GRM2: variants seen among roughly 807,000 people sequenced by gnomAD.
The protein encoded by GRM2 is glutamate metabotropic receptor 2, also known as metabotropic glutamate receptor 2.
GRM2 carries 35 observed loss-of-function variants against 60.4 expected under a neutral mutation model. The observed-to-expected ratio is 0.58, with a 90% CI of 0.44 to 0.77. The LOEUF is 0.77. GRM2 is among the 30% of genes least tolerant of loss of function. The pLI is 0.00. For synonymous variants in GRM2, 437 were observed against 484.1 expected (o/e 0.90, Z 1.28); for missense variants, 925 against 1,199.5 (o/e 0.77, Z 3.38).
chr3:51,709,201 A>G lies in GRM2; in HGVS notation c.218A>G (p.Asn73Ser). ...ATGCTTTTTGCACTGGACCGCATCA[A>G]CCGTGACCCGCACCTGCTGCCTGGC... ...EAMLFALDRI[N>S]RDPHLLPGVR... The change falls in exon 2 of 6, where the codon AAC becomes AGC. Residue 73 changes from asparagine (N) to serine (S), a missense_variant. Transcript: ENST00000395052. 1 of 1,611,242 alleles carries G rather than the reference A, an allele frequency of 6.2e-7. No homozygotes were observed. Among genetic ancestry groups the G allele is most frequent in the Non-Finnish European group, 8.5e-7 (1 of 1,178,808 alleles).
Position 51,715,561 on chromosome 3 carries a change from A to C in GRM2, c.1788A>C (p.Pro596=), listed in dbSNP as rs1703864128. The C allele has an allele frequency of 6.2e-7, 1 of 1,613,956 alleles. No individual in the cohort carries two copies. The highest frequency in any genetic ancestry group is 8.5e-7 in the Non-Finnish European group (1 of 1,180,044). Residue 596 remains proline, a synonymous_variant, in exon 4 of 6, where the codon CCA becomes CCC. Transcript: ENST00000395052. The surrounding 1 kb of genome is among the most constrained non-coding windows in gnomAD (Gnocchi z 9.0). ...TCTTTGTGCGGCACAATGCCACACC[A>C]GTGGTCAAGGCCTCAGGTCGGGAGC... ...LGVFVRHNAT[P]VVKASGRELC... is the part of the protein sequence containing the mutation.
In GRM2 at chr3:51,712,326, C is replaced by T. The variant is rs1236036448; in HGVS notation, c.451-147C>T. The T allele has an allele frequency of 1.5e-6, 1 of 671,582 alleles. No individual in the cohort carries two copies. Among genetic ancestry groups the T allele is most frequent in the East Asian group, 2.5e-5 (1 of 40,358 alleles). The allele number at this position is 671,582 out of a possible 1,614,324, so 41.6% of individuals were successfully genotyped here. On this transcript the variant is annotated intron_variant, in intron 2 of 5. Coordinates refer to ENST00000395052, the MANE Select transcript of GRM2 (RefSeq NM_000839.5). The surrounding 1 kb of genome is among the most constrained non-coding windows in gnomAD (Gnocchi z 5.3). ...CTCCCTAGCCCAGAGGGAAGACTGTCAAGTCAGGATGCAGGGCTTTAGAGA... is the reference window on the plus strand; with the variant it reads ...CTCCCTAGCCCAGAGGGAAGACTGTTAAGTCAGGATGCAGGGCTTTAGAGA...
chr3:51,717,092 G>T lies in GRM2; in HGVS notation c.2365-545G>T, dbSNP rs1703925018. On this transcript the variant is annotated intron_variant, in intron 4 of 5. Coordinates refer to ENST00000395052, the MANE Select transcript of GRM2 (RefSeq NM_000839.5). This position sits in a 1 kb window ranked among gnomAD's most constrained non-coding sequence, Gnocchi z 6.0. ...ATCACAGGCAGCTAAGGACTCACCT[G>T]AGACACACACCGTACCCACACATGC... Among the ~76,000 whole-genome samples the T allele has an allele frequency of 6.8e-6, 1 of 147,352 alleles. No individual in the cohort carries two copies. The highest frequency in any genetic ancestry group is 1.5e-5 in the Non-Finnish European group (1 of 67,140).
In GRM2 at chr3:51,709,226, C is replaced by G; in HGVS notation, c.243C>G (p.Gly81=). The G allele has an allele frequency of 6.2e-7, 1 of 1,608,746 alleles. No homozygotes were observed. Among genetic ancestry groups the G allele is most frequent in the South Asian group, 1.1e-5 (1 of 91,022 alleles). ...ACCGTGACCCGCACCTGCTGCCTGG[C>G]GTGCGCCTGGGTGCACACATCCTCG... ...RINRDPHLLP[G]VRLGAHILDS... Residue 81 remains glycine (G), a synonymous_variant, in exon 2 of 6, where the codon GGC becomes GGG. Coordinates refer to ENST00000395052, the MANE Select transcript of GRM2 (RefSeq NM_000839.5).
Position 51,712,656 on chromosome 3 carries a change from T to C in GRM2, c.634T>C (p.Ser212Pro). 6.2e-7 allele frequency: 1 copy of C among 1,614,104 alleles called. No homozygotes were observed. Among genetic ancestry groups the C allele is most frequent in the Non-Finnish European group, 8.5e-7 (1 of 1,180,030 alleles). The change falls in exon 3 of 6, where the codon TCT becomes CCT. Residue 212 changes from serine (S) to proline (P), a missense_variant. Coordinates refer to ENST00000395052, the MANE Select transcript of GRM2 (RefSeq NM_000839.5). The surrounding 1 kb of genome is among the most constrained non-coding windows in gnomAD (Gnocchi z 5.3). ...FNWTYVSTVA[S>P]EGDYGETGIE... ...CTGGACCTATGTGTCCACTGTGGCG[T>C]CTGAGGGCGACTATGGCGAGACAGG... is the stretch of plus-strand genomic sequence containing the variant.
Position 51,715,229 on chromosome 3 carries a change from C to T in GRM2, c.1456C>T (p.Pro486Ser). 1 of 1,612,778 alleles carries T rather than the reference C, an allele frequency of 6.2e-7. No homozygotes were observed. Among genetic ancestry groups the T allele is most frequent in the Non-Finnish European group, 8.5e-7 (1 of 1,179,148 alleles). ...EGLTLDTSLI[P>S]WASPSAGPLP... ...CTTGACTCTGGACACCAGCCTCATC[C>T]CATGGGCCTCACCCTCAGCCGGCCC... is the stretch of plus-strand genomic sequence containing the variant. The change falls in exon 4 of 6, where the codon CCA becomes TCA. Residue 486 changes from proline (P) to serine (S), a missense_variant. Pro to Ser is a moderately conservative substitution (Grantham distance 74, BLOSUM62 -1). Transcript: ENST00000395052. This position sits in a 1 kb window ranked among gnomAD's most constrained non-coding sequence, Gnocchi z 9.0.
Position 51,712,678 on chromosome 3 carries a change from C to A in GRM2, c.656C>A (p.Thr219Lys), listed in dbSNP as rs1371898785. 1 of 1,613,974 alleles carries A rather than the reference C, an allele frequency of 6.2e-7. No homozygotes were observed. Among genetic ancestry groups the A allele is most frequent in the Non-Finnish European group, 8.5e-7 (1 of 1,180,046 alleles). The change falls in exon 3 of 6, where the codon ACA becomes AAA. Residue 219 changes from threonine (T) to lysine (K), a missense_variant. Coordinates refer to ENST00000395052, the MANE Select transcript of GRM2 (RefSeq NM_000839.5). This position sits in a 1 kb window ranked among gnomAD's most constrained non-coding sequence, Gnocchi z 5.3. ...GCGTCTGAGGGCGACTATGGCGAGA[C>A]AGGCATTGAGGCCTTTGAGCTAGAG... is the stretch of plus-strand genomic sequence containing the variant. ...TVASEGDYGE[T>K]GIEAFELEAR...
chr3:51,713,109 G>A lies in GRM2; in HGVS notation c.1087G>A (p.Ala363Thr), dbSNP rs143495329. The change falls in exon 3 of 6, where the codon GCA (alanine) becomes ACA (threonine). Residue 363 changes from alanine (A) to threonine (T), a missense_variant. Coordinates refer to ENST00000395052, the MANE Select transcript of GRM2 (RefSeq NM_000839.5). The surrounding 1 kb of genome is among the most constrained non-coding windows in gnomAD (Gnocchi z 4.8). ...FRCSFRQRDC[A>T]AHSLRAVPFE... ...CTGCAGCTTCCGGCAGCGAGACTGC[G>A]CAGCCCACTCTCTCCGGGCTGTGCC... The A allele has an allele frequency of 2.6e-4, 424 of 1,613,144 alleles. No homozygotes were observed. Among genetic ancestry groups the A allele is most frequent in the Admixed American group, 1.8e-4 (11 of 60,028 alleles).
In GRM2 at chr3:51,717,101, A is replaced by G. The variant is rs1468876481; in HGVS notation, c.2365-536A>G. Among the ~76,000 whole-genome samples, 1 of 140,776 alleles carries G rather than the reference A, an allele frequency of 7.1e-6. No individual in the cohort carries two copies. The highest frequency in any genetic ancestry group is 1.5e-5 in the Non-Finnish European group (1 of 65,342). 92.4% of individuals were successfully genotyped at this position (140,776 alleles called of 152,430 possible). On this transcript the variant is annotated intron_variant, in intron 4 of 5. Transcript: ENST00000395052. The surrounding 1 kb of genome is among the most constrained non-coding windows in gnomAD (Gnocchi z 6.0). ...AGCTAAGGACTCACCTGAGACACACACCGTACCCACACATGCATGCACACA... is the reference window on the plus strand; with the variant it reads ...AGCTAAGGACTCACCTGAGACACACGCCGTACCCACACATGCATGCACACA...
chr3:51,713,163 G>C lies in GRM2; in HGVS notation c.1141G>C (p.Val381Leu). The C allele has an allele frequency of 1.9e-6, 3 of 1,613,212 alleles. No homozygotes were observed. Among genetic ancestry groups the C allele is most frequent in the African/African-American group, 1.3e-5 (1 of 75,070 alleles). Residue 381 changes from valine to leucine, a missense_variant, in exon 3 of 6, where the codon GTG (valine) becomes CTG (leucine). Coordinates refer to ENST00000395052, the MANE Select transcript of GRM2 (RefSeq NM_000839.5). The surrounding 1 kb of genome is among the most constrained non-coding windows in gnomAD (Gnocchi z 4.8). ...TGAGCAGGAGTCCAAGATCATGTTT[G>C]TGGTCAATGCAGTGTACGCCATGGC... The part of the protein sequence containing the change: ...PFEQESKIMF[V>L]VNAVYAMAHA...
In GRM2 at chr3:51,716,575, T is replaced by C. The variant is rs957779333; in HGVS notation, c.2364+438T>C. ...AAAGCAGGTGAAAATTGTTCCCCAG[T>C]TGGTGGCTTCTGAGCAAATTTGGTT... is the stretch of plus-strand genomic sequence containing the variant. On this transcript the variant is annotated intron_variant, in intron 4 of 5. Coordinates refer to ENST00000395052, the MANE Select transcript of GRM2 (RefSeq NM_000839.5). The surrounding 1 kb of genome is among the most constrained non-coding windows in gnomAD (Gnocchi z 4.0). 6.6e-6 allele frequency among the ~76,000 whole-genome samples: 1 copy of C among 152,132 alleles called. No homozygotes were observed. The highest frequency in any genetic ancestry group is 2.4e-5 in the African/African-American group (1 of 41,414).
At position 51,713,431 on chromosome 3, in the gene GRM2, G is replaced by A. The variant is rs1201091386; in HGVS notation, c.1288+121G>A. ...GAGTGAAAGTAAAGGACTCACCTGG[G>A]GTGGCGTCAGAGCAAGGGCAAGGAT... On this transcript the variant is annotated intron_variant, in intron 3 of 5. Transcript: ENST00000395052. The surrounding 1 kb of genome is among the most constrained non-coding windows in gnomAD (Gnocchi z 4.8). 2.7e-6 allele frequency: 2 copies of A among 730,518 alleles called. No homozygotes were observed. Among genetic ancestry groups the A allele is most frequent in the Non-Finnish European group, 2.2e-6 (1 of 444,466 alleles). The allele number at this position is 730,518 out of a possible 1,614,324, so 45.3% of individuals were successfully genotyped here.
In GRM2 at chr3:51,717,890, T is replaced by C; in HGVS notation, c.2545+73T>C. ...AGCTCCTTGGGTTGCTGAGATCTCT[T>C]GTCTGGGGGTGAGGTGCCCCCCAAA... On this transcript the variant is annotated intron_variant, in intron 5 of 5. Transcript: ENST00000395052. This position sits in a 1 kb window ranked among gnomAD's most constrained non-coding sequence, Gnocchi z 6.0. 6.7e-7 allele frequency: 1 copy of C among 1,502,242 alleles called. No homozygotes were observed. Among genetic ancestry groups the C allele is most frequent in the Non-Finnish European group, 9.3e-7 (1 of 1,080,686 alleles). 93.1% of individuals were successfully genotyped at this position (1,502,242 alleles called of 1,614,324 possible). A position where few individuals can be genotyped will look rare whatever the true frequency, so the allele number is the denominator to read the frequency against.
Position 51,713,487 on chromosome 3 carries a change from C to T in GRM2, c.1288+177C>T, listed in dbSNP as rs891605225. 4.7e-5 allele frequency: 28 copies of T among 593,938 alleles called. No individual in the cohort carries two copies. The highest frequency in any genetic ancestry group is 8.4e-5 in the South Asian group (4 of 47,388). 36.8% of individuals were successfully genotyped at this position (593,938 alleles called of 1,614,324 possible). ...GCAGAGAGGACTCCAACTGAAGCTA[C>T]GGCTGAGGTTCCACTTTCTTCCAGA... On this transcript the variant is annotated intron_variant, in intron 3 of 5. Coordinates refer to ENST00000395052, the MANE Select transcript of GRM2 (RefSeq NM_000839.5). This position sits in a 1 kb window ranked among gnomAD's most constrained non-coding sequence, Gnocchi z 4.8.
Position 51,718,363 on chromosome 3 carries a change from C to G in GRM2, c.*251C>G, listed in dbSNP as rs1703977505. 2 of 528,220 alleles carry G rather than the reference C, an allele frequency of 3.8e-6. No individual in the cohort carries two copies. Among genetic ancestry groups the G allele is most frequent in the Non-Finnish European group, 6.8e-6 (2 of 292,388 alleles). The allele number at this position is 528,220 out of a possible 1,614,324, so 32.7% of individuals were successfully genotyped here. The stretch of plus-strand genomic sequence containing the variant: ...TTTCCTCCTGGCCAGGCCCAGGGCT[C>G]AGAGAGGAGCAAGCCAGGGTTCACT... On this transcript the variant is annotated 3_prime_UTR_variant, in exon 6 of 6. Coordinates refer to ENST00000395052, the MANE Select transcript of GRM2 (RefSeq NM_000839.5). This position sits in a 1 kb window ranked among gnomAD's most constrained non-coding sequence, Gnocchi z 4.2.
chr3:51,709,702 C>CCT, intron 2 of GRM2, among the ~76,000 whole-genome samples: 1 of 92,270 alleles, frequency 1.1e-5, no homozygotes, highest in East Asian at 3.0e-4. Context: ...CACCCTCACA[C>CCT]ACACACACAG....
intron 2 of GRM2, among the ~76,000 whole-genome samples, chr3:51,709,987 C>CTTTTTTTTT (rs1163025951): frequency 7.0e-6 from 1 of 142,768 alleles, no homozygotes; most frequent in African/African-American, 2.6e-5. Flanking sequence ...ATTCACAACA[C>CTTTTTTTTT]TTTTTTTTTT....
chr3:51,717,745 G>A lies in GRM2; in HGVS notation c.2473G>A (p.Val825Met), dbSNP rs748919543. ...HIILFQPQKN[V>M]VSHRAPTSRF... Reference sequence around the variant, plus strand: ...CATCCTCTTCCAGCCGCAGAAGAACGTGGTTAGCCACCGGGCACCCACCAG... The same window carrying A: ...CATCCTCTTCCAGCCGCAGAAGAACATGGTTAGCCACCGGGCACCCACCAG... Residue 825 changes from valine (V) to methionine (M), a missense_variant, in exon 5 of 6, where the codon GTG becomes ATG. By Grantham distance (21) the Val-to-Met change is conservative. Transcript: ENST00000395052. This position sits in a 1 kb window ranked among gnomAD's most constrained non-coding sequence, Gnocchi z 6.0. 17 of 1,614,140 alleles carry A rather than the reference G, an allele frequency of 1.1e-5. No homozygotes were observed. The East Asian group carries it at 1.1e-4, about 11-fold the overall frequency.
intron 3 of GRM2, chr3:51,714,159 A>G (rs749435483): frequency 3.0e-6 from 1 of 328,440 alleles, no homozygotes; most frequent in South Asian, 2.4e-5. Flanking sequence ...GTTAGCTACA[A>G]TCAGTGTAGG....
Sources: gnomAD v4.1 joint callset for allele counts (sites outside exome capture counted in the v4.1 genomes callset) on GRCh38, gnomAD v4.1.1 for gene constraint, Gnocchi (gnomAD v3.1) non-coding constraint, MANE v1.5 for transcripts, NCBI Gene and HGNC (gene_info 2026-07-23, HGNC 2026-07-21) for gene names.